The following STX8 variants were observed in gnomAD, a reference collection of about 807,000 sequenced individuals.
STX8 encodes the protein syntaxin-8.
STX8 carries 23 observed loss-of-function variants against 37.5 expected under a neutral mutation model. The observed-to-expected ratio is 0.61, with a 90% CI of 0.44 to 0.87. STX8 has a LOEUF of 0.87. Ranked by LOEUF, STX8 falls within the 40% of genes least tolerant of loss-of-function variation. The probability of loss-of-function intolerance (pLI) is 0.00; values close to 1 mark genes in which losing one functional copy is unlikely to be tolerated. For synonymous variants in STX8, 115 were observed against 99.1 expected, an observed-to-expected ratio of 1.16 and a Z score of -0.95; for missense variants, 313 against 284.7, an observed-to-expected ratio of 1.10 and a Z score of -0.71.
At position 9,423,996 on chromosome 17, in the gene STX8, G is replaced by T. The variant is rs116933920; in HGVS notation, c.542-45343C>A. ...TTCGGCACACAAGTCAGCCATGACA[G>T]GTTGGTTTGTAGGGTTTATCTACGC... On this transcript the variant is annotated intron_variant, in intron 6 of 7. Transcript: ENST00000306357. Among the ~76,000 whole-genome samples, 1,198 of 152,326 alleles carry T rather than the reference G, an allele frequency of 7.9e-3. 8 individuals are homozygous for T. The highest frequency in any genetic ancestry group is 0.013 in the Non-Finnish European group (863 of 68,032).
At chr17:9,504,737 GGCCAAGGTGGGAA>G (rs1170024610) in intron 5 of STX8, among the ~76,000 whole-genome samples, 2 of 152,078 alleles carry the variant, frequency 1.3e-5, no homozygotes, top group East Asian at 3.9e-4. Flanking sequence ...CACTTTGGGA[GGCCAAGGTGGGAA>G]GATCATGAGG....
chr17:9,363,919 A>C (rs1238806856), intron 7 of STX8, among the ~76,000 whole-genome samples: 1 of 152,134 alleles, frequency 6.6e-6, no homozygotes, highest in Non-Finnish European at 1.5e-5. Flanking sequence ...AAGGTTTTCC[A>C]ATTTTGCACT....
At chr17:9,399,856 ACT>A (rs757333026) in intron 6 of STX8, among the ~76,000 whole-genome samples, 12 of 135,518 alleles carry the variant, frequency 8.9e-5, no homozygotes, top group African/African-American at 3.5e-4. Flanking sequence ...ACAGGGAGAG[ACT>A]CTGTCTCAAA....
At chr17:9,456,570 C>A (rs1283025406) in intron 6 of STX8, among the ~76,000 whole-genome samples, 1 of 152,142 alleles carries the variant, frequency 6.6e-6, no homozygotes, top group African/African-American at 2.4e-5. Context: ...TTCATTTCTT[C>A]CTCTGCTTGA....
intron 4 of STX8, among the ~76,000 whole-genome samples, chr17:9,520,040 G>A (rs1480420048): frequency 6.6e-6 from 1 of 152,136 alleles, no homozygotes; most frequent in Admixed American, 6.5e-5. Flanking sequence ...TGAGCTCTGT[G>A]AGGGAAGAGG....
intron 6 of STX8, among the ~76,000 whole-genome samples, chr17:9,403,064 T>C (rs1046585088): frequency 2.0e-5 from 3 of 151,982 alleles, no homozygotes; most frequent in Non-Finnish European, 4.4e-5. Flanking sequence ...ACAAAGGGCA[T>C]TGTAGGGATA....
chr17:9,483,750 G>A (rs776915312), intron 6 of STX8, among the ~76,000 whole-genome samples: 3 of 152,108 alleles, frequency 2.0e-5, no homozygotes, highest in Non-Finnish European at 4.4e-5. Context: ...CTGACTCTAC[G>A]AATACAATTG....
intron 7 of STX8, among the ~76,000 whole-genome samples, chr17:9,323,359 T>C (rs966720812): frequency 2.0e-5 from 3 of 152,220 alleles, no homozygotes; most frequent in Admixed American, 6.5e-5. Flanking sequence ...AAACTCATTA[T>C]AACTTTTTAA....
intron 6 of STX8, among the ~76,000 whole-genome samples, chr17:9,385,717 A>G (rs1911976858): frequency 1.3e-5 from 2 of 152,200 alleles, no homozygotes; most frequent in Admixed American, 1.3e-4. Context: ...GTCAATTCTC[A>G]TCAAGTTAAC....
At chr17:9,435,734 CAG>C (rs1189148460) in intron 6 of STX8, among the ~76,000 whole-genome samples, 12 of 152,196 alleles carry the variant, frequency 7.9e-5, no homozygotes, top group Non-Finnish European at 1.5e-4. Flanking sequence ...AGAAAACAAC[CAG>C]AGTTTTTTGA....
rs1386745824 is a variant in STX8 at position 9,497,724 on chromosome 17, A to T, written c.449-5803T>A. The stretch of plus-strand genomic sequence containing the variant: ...TGAGTACAAGATCCAGACCCCAATG[A>T]CTGTCTTCTTTTCCTGTGTCTTTGA... On this transcript the variant is annotated intron_variant, in intron 5 of 7. Coordinates refer to ENST00000306357, the MANE Select transcript of STX8 (RefSeq NM_004853.3). 1.7e-4 allele frequency among the ~76,000 whole-genome samples: 26 copies of T among 152,168 alleles called. 1 individual carries two copies. Among genetic ancestry groups the T allele is most frequent in the Admixed American group, 1.7e-3 (26 of 15,276 alleles).
chr17:9,420,551 T>C (rs1365611230), intron 6 of STX8, among the ~76,000 whole-genome samples: 3 of 152,134 alleles, frequency 2.0e-5, no homozygotes, highest in East Asian at 1.9e-4. Context: ...TCTCAGTCCA[T>C]AGACATGCTC....
At chr17:9,550,259 G>A (rs1906712601) in intron 3 of STX8, among the ~76,000 whole-genome samples, 2 of 149,996 alleles carry the variant, frequency 1.3e-5, no homozygotes, top group African/African-American at 4.9e-5. Context: ...CACAGTCAGT[G>A]GCCAGTGCTG....
chr17:9,442,486 A>G lies in STX8; in HGVS notation c.541+49343T>C, dbSNP rs573971789. On this transcript the variant is annotated intron_variant, in intron 6 of 7. Transcript: ENST00000306357. ...AGTCTCAGTGATCTCAGCTCACCGCAACCTCCGCCTCCTGGGTTCCAGTGA... is the reference window on the plus strand; with the variant it reads ...AGTCTCAGTGATCTCAGCTCACCGCGACCTCCGCCTCCTGGGTTCCAGTGA... Among the ~76,000 whole-genome samples, 4 of 152,248 alleles carry G rather than the reference A, an allele frequency of 2.6e-5. No individual in the cohort carries two copies. In the South Asian group the frequency reaches 8.3e-4, roughly 32 times the overall value.
intron 7 of STX8, among the ~76,000 whole-genome samples, chr17:9,320,347 G>C (rs961177465): frequency 1.4e-5 from 2 of 147,020 alleles, no homozygotes; most frequent in African/African-American, 2.6e-5. Context: ...AAAAAAAAAA[G>C]AAAACAAAAA....
rs182995567 is a variant in STX8 at position 9,375,773 on chromosome 17, G to A, written c.643+2779C>T. Among the ~76,000 whole-genome samples, 407 of 152,058 alleles carry A rather than the reference G, an allele frequency of 2.7e-3. 3 individuals carry two copies. The highest frequency in any genetic ancestry group is 9.5e-3 in the African/African-American group (394 of 41,478). ...ACATACATATATATATTACATACAC[G>A]CAATCATTTATTTCTCATAACAATC... On this transcript the variant is annotated intron_variant, in intron 7 of 7. Coordinates refer to ENST00000306357, the MANE Select transcript of STX8 (RefSeq NM_004853.3).
In STX8 at chr17:9,374,190, T is replaced by C. The variant is rs1317147314; in HGVS notation, c.643+4362A>G. Among the ~76,000 whole-genome samples, 4 of 151,762 alleles carry C rather than the reference T, an allele frequency of 2.6e-5. No individual in the cohort carries two copies. In the East Asian group the frequency reaches 7.8e-4, roughly 30 times the overall value. ...TCTGCCTCCCAGGTTTAAGCGATTC[T>C]CCTGCCTCAGCTTCCCAAGCAACTG... On this transcript the variant is annotated intron_variant, in intron 7 of 7. Transcript: ENST00000306357.
chr17:9,366,920 G>A (rs1352415157), intron 7 of STX8, among the ~76,000 whole-genome samples: 1 of 152,168 alleles, frequency 6.6e-6, no homozygotes, highest in Non-Finnish European at 1.5e-5. Flanking sequence ...AGGAAGAAGA[G>A]CTATTTCTGC....
At chr17:9,347,422 C>G (rs1910569781) in intron 7 of STX8, among the ~76,000 whole-genome samples, 2 of 152,078 alleles carry the variant, frequency 1.3e-5, no homozygotes, top group African/African-American at 4.8e-5. Flanking sequence ...TTGTAAAATA[C>G]ATAACAAAAA....
Sources: gnomAD v4.1 joint callset for allele counts (sites outside exome capture counted in the v4.1 genomes callset) on GRCh38, gnomAD v4.1.1 for gene constraint, MANE v1.5 for transcripts, NCBI Gene and HGNC (gene_info 2026-07-23, HGNC 2026-07-21) for gene names.